Variants in PPARGC1A observed in about 807,000 individuals in gnomAD.
PPARGC1A encodes PPARG coactivator 1 alpha.
PPARGC1A carries 25 observed loss-of-function variants against 88.7 expected under a neutral mutation model. The ratio of observed to expected loss-of-function variants is 0.28; its 90% confidence interval spans 0.21 to 0.39. The LOEUF (loss-of-function observed/expected upper bound fraction) is 0.39. PPARGC1A is among the 10% of genes least tolerant of loss of function. The pLI, the probability that PPARGC1A is intolerant of heterozygous loss-of-function variation, is 1.00. For synonymous variants in PPARGC1A, 363 were observed against 355.6 expected (o/e 1.02, Z -0.24); for missense variants, 880 against 968.7 (o/e 0.91, Z 1.22).
the PPARGC1A span, among the ~76,000 whole-genome samples, chr4:24,152,851 G>T: frequency 6.6e-6 from 1 of 152,178 alleles, no homozygotes; most frequent in Non-Finnish European, 1.5e-5. Flanking sequence ...AAATGTCTAT[G>T]TATATGTCAC....
chr4:24,365,649 A>G, the PPARGC1A span, among the ~76,000 whole-genome samples: 1 of 152,178 alleles, frequency 6.6e-6, no homozygotes, highest in Non-Finnish European at 1.5e-5. Flanking sequence ...AGATTATTAA[A>G]TGTACATCAG....
chr4:23,792,109 A>G lies in PPARGC1A; in HGVS notation c.*3713T>C, dbSNP rs1223817586. ...AAAAAATCACAGGAATTTTCATACAATGAATAAAACCACAACAATACATGT... is the reference window on the plus strand; with the variant it reads ...AAAAAATCACAGGAATTTTCATACAGTGAATAAAACCACAACAATACATGT... On this transcript the variant is annotated 3_prime_UTR_variant, in exon 13 of 13. Transcript: ENST00000264867. The G allele has an allele frequency of 6.6e-6, 1 of 152,596 alleles. No homozygotes were observed. Among genetic ancestry groups the G allele is most frequent in the Admixed American group, 6.6e-5 (1 of 15,260 alleles). The allele number at this position is 152,596 out of a possible 1,614,324, so 9.5% of individuals were successfully genotyped here. A position where few individuals can be genotyped will look rare whatever the true frequency, so the allele number is the denominator to read the frequency against.
At chr4:23,951,743 T>C in the PPARGC1A span, among the ~76,000 whole-genome samples, 18 of 152,168 alleles carry the variant, frequency 1.2e-4, no homozygotes, top group Non-Finnish European at 1.9e-4. Flanking sequence ...CTTCAGTAAT[T>C]TGAGGTCTCT....
the PPARGC1A span, among the ~76,000 whole-genome samples, chr4:24,052,453 A>T: frequency 5.3e-5 from 8 of 151,974 alleles, no homozygotes; most frequent in Admixed American, 5.2e-4. Flanking sequence ...CCTGGCCAAC[A>T]TGGTGAATGC....
chr4:24,027,196 A>AGTGTGTGTGT, the PPARGC1A span, among the ~76,000 whole-genome samples: 6,906 of 133,264 alleles, frequency 0.052, 221 homozygotes, highest in Non-Finnish European at 0.071. Context: ...ACCTCAGGCT[A>AGTGTGTGTGT]GTGTGTGTGT....
intron 7 of PPARGC1A, among the ~76,000 whole-genome samples, chr4:23,818,440 G>C (rs1722374225): frequency 6.6e-6 from 1 of 152,152 alleles, no homozygotes. Context: ...ACAAATGGCT[G>C]CTATTACCCA....
At chr4:24,403,615 G>A in the PPARGC1A span, among the ~76,000 whole-genome samples, 1 of 152,138 alleles carries the variant, frequency 6.6e-6, no homozygotes, top group Non-Finnish European at 1.5e-5. Flanking sequence ...CAGAAATGTA[G>A]GTCTCAAAAC....
chr4:24,404,755 A>G, the PPARGC1A span, among the ~76,000 whole-genome samples: 1 of 152,234 alleles, frequency 6.6e-6, no homozygotes, highest in Non-Finnish European at 1.5e-5. Flanking sequence ...ATATTTTTCA[A>G]GAGAAGCCAA....
At chr4:23,896,495 C>G (rs1718619664) in intron 1 of PPARGC1A, among the ~76,000 whole-genome samples, 2 of 152,122 alleles carry the variant, frequency 1.3e-5, no homozygotes, top group Non-Finnish European at 2.9e-5. Context: ...GGATGCAAAG[C>G]TCATGAGCAA....
At chr4:24,056,776 C>T in the PPARGC1A span, among the ~76,000 whole-genome samples, 2 of 152,146 alleles carry the variant, frequency 1.3e-5, no homozygotes, top group Non-Finnish European at 2.9e-5. Flanking sequence ...AGGACGGCAA[C>T]TATGAACAAA....
chr4:24,299,640 G>A, the PPARGC1A span, among the ~76,000 whole-genome samples: 1 of 152,054 alleles, frequency 6.6e-6, no homozygotes, highest in African/African-American at 2.4e-5. Context: ...ATGATCATAT[G>A]GGCATGGATT....
the PPARGC1A span, among the ~76,000 whole-genome samples, chr4:24,337,059 G>C: frequency 3.9e-5 from 6 of 152,328 alleles, no homozygotes; most frequent in African/African-American, 1.2e-4. Flanking sequence ...TTAAGGCTCT[G>C]TAAATTGCAT....
At chr4:23,920,036 C>T in the PPARGC1A span, among the ~76,000 whole-genome samples, 2 of 152,340 alleles carry the variant, frequency 1.3e-5, no homozygotes, top group South Asian at 4.1e-4. Flanking sequence ...CTGACTTGTT[C>T]TGTTTGACCC....
chr4:24,194,447 T>C, the PPARGC1A span, among the ~76,000 whole-genome samples: 4 of 152,282 alleles, frequency 2.6e-5, no homozygotes, highest in Middle Eastern at 6.8e-3. Flanking sequence ...CCTTGTGCTT[T>C]CTCTACCTGC....
chr4:24,437,514 G>A, the PPARGC1A span, among the ~76,000 whole-genome samples: 8 of 152,128 alleles, frequency 5.3e-5, no homozygotes, highest in Non-Finnish European at 1.0e-4. Flanking sequence ...CAGGAGATGA[G>A]GCTGGCAACC....
At chr4:24,092,726 C>T in the PPARGC1A span, among the ~76,000 whole-genome samples, 2 of 152,148 alleles carry the variant, frequency 1.3e-5, no homozygotes, top group East Asian at 1.9e-4. Flanking sequence ...GCCCATTCTA[C>T]AGAACAACCC....
the PPARGC1A span, among the ~76,000 whole-genome samples, chr4:24,177,457 G>A: frequency 6.6e-6 from 1 of 151,364 alleles, no homozygotes; most frequent in Non-Finnish European, 1.5e-5. Context: ...CACACACTGG[G>A]GCCTGTTGTG....
upstream of PPARGC1A, among the ~76,000 whole-genome samples, chr4:23,901,340 A>C (rs1719329599): frequency 6.8e-6 from 1 of 148,136 alleles, no homozygotes; most frequent in African/African-American, 2.5e-5. Context: ...ACTGCACTCC[A>C]GCCTAGGCGA....
At chr4:24,024,829 T>G in the PPARGC1A span, among the ~76,000 whole-genome samples, 5,685 of 152,270 alleles carry the variant, frequency 0.037, 323 homozygotes, top group African/African-American at 0.13. Context: ...TCTGCAGTTG[T>G]GTAATATTTA....
Sources: allele counts gnomAD v4.1 joint callset (sites outside exome capture counted in the v4.1 genomes callset), GRCh38; gene constraint gnomAD v4.1.1; transcripts MANE v1.5; gene names NCBI Gene and HGNC (gene_info 2026-07-23, HGNC 2026-07-21).